Variants in TMEM131 observed in about 807,000 individuals in gnomAD.
The protein encoded by TMEM131 is 2610524E03Rik.
A neutral mutation model predicts 211.6 loss-of-function variants in TMEM131; 66 were observed. That is an observed-to-expected ratio of 0.31 (90% CI 0.26 to 0.38). The LOEUF is 0.38. Among genes scored for constraint, TMEM131 ranks in the 10% least tolerant of loss-of-function variants. The probability of loss-of-function intolerance (pLI) is 1.00; values close to 1 mark genes in which losing one functional copy is unlikely to be tolerated. For synonymous variants in TMEM131, 844 were observed against 841.3 expected (o/e 1.00, Z -0.06); for missense variants, 2,036 against 2,299.3 (o/e 0.89, Z 2.34).
rs778278482 is a variant in TMEM131, at chr2:97,757,224, G to A, written c.5527C>T (p.Pro1843Ser). The change falls in exon 41 of 41, where the codon CCC becomes TCC. Residue 1843 changes from proline (P) to serine (S), a missense_variant. By Grantham distance (74) the Pro-to-Ser change is moderately conservative. Coordinates refer to ENST00000186436, the MANE Select transcript of TMEM131 (RefSeq NM_015348.2). ...TCGTCAGCTGGACTGGAGGTGGAGG[G>A]AGCGTGAGGAGCAGGGGAGTTTTCT... ...GTENSPAPHAPSTSSPADDLG... is the reference protein window; with the variant it reads ...GTENSPAPHASSTSSPADDLG... 6.8e-6 allele frequency: 11 copies of A among 1,614,032 alleles called. No homozygotes were observed. Among genetic ancestry groups the A allele is most frequent in the South Asian group, 6.6e-5 (6 of 91,084 alleles).
chr2:97,990,785 G>A (rs1680229005), intron 1 of TMEM131, among the ~76,000 whole-genome samples: 1 of 152,148 alleles, frequency 6.6e-6, no homozygotes, highest in African/African-American at 2.4e-5. Context: ...GGTATAAAAA[G>A]TCCTATGCAC....
At chr2:97,797,039 T>C in intron 26 of TMEM131, 53 bp from the exon 27 acceptor site, 1 of 1,545,170 alleles carries the variant, frequency 6.5e-7, no homozygotes. Flanking sequence ...TGCACAATCT[T>C]TTGATTTGCA....
rs770549569 is a variant in TMEM131 at position 97,776,018 on chromosome 2, C to T, written c.4145G>A (p.Gly1382Glu). 13 of 1,599,622 alleles carry T rather than the reference C, an allele frequency of 8.1e-6. No homozygotes were observed. Among genetic ancestry groups the T allele is most frequent in the South Asian group, 2.3e-5 (2 of 87,358 alleles). Residue 1382 changes from glycine (G) to glutamate (E), a missense_variant and splice_region_variant, in exon 32 of 41, where the codon GGG (glycine) becomes GAG (glutamate). This residue lies in a region of TMEM131 where 1,623 missense variants were observed against 1,805.9 expected (regional missense o/e 0.90). Transcript: ENST00000186436. ...QPPSPLPKSK[G>E]KGKPLQRKVK... ...CTTGCGCTGAAGAGGTTTTCCTTTC[C>T]CTGAGGATAAAAATTAAAGTAAAAG...
intron 1 of TMEM131, among the ~76,000 whole-genome samples, chr2:97,982,796 G>T (rs1291272039): frequency 1.3e-5 from 2 of 152,184 alleles, no homozygotes; most frequent in Non-Finnish European, 2.9e-5. Context: ...AATGTGATAT[G>T]CAAGATGTTT....
At chr2:97,979,659 C>T (rs1487815797) in intron 1 of TMEM131, among the ~76,000 whole-genome samples, 2 of 152,128 alleles carry the variant, frequency 1.3e-5, no homozygotes, top group Non-Finnish European at 2.9e-5. Context: ...AGGGGCCTTG[C>T]TCTGGATTAA....
intron 40 of TMEM131, among the ~76,000 whole-genome samples, 158 bp from the exon 41 acceptor site, chr2:97,757,541 T>G (rs1678562240): frequency 6.6e-6 from 1 of 152,174 alleles, no homozygotes; most frequent in South Asian, 2.1e-4. Context: ...GAGCAGATGT[T>G]TCTGATTTTT....
At chr2:97,964,753 T>G (rs1678973404) in intron 1 of TMEM131, among the ~76,000 whole-genome samples, 1 of 152,218 alleles carries the variant, frequency 6.6e-6, no homozygotes, top group South Asian at 2.1e-4. Context: ...CTATTCTTAT[T>G]TAATTCCAAC....
intron 2 of TMEM131, among the ~76,000 whole-genome samples, chr2:97,913,711 T>C (rs1676385800): frequency 6.6e-6 from 1 of 152,224 alleles, no homozygotes; most frequent in Non-Finnish European, 1.5e-5. Context: ...CACTTCAGAA[T>C]GAGGTACGTG....
rs973151147 is a variant in TMEM131, at chr2:97,757,040, A to C, written c.*59T>G. On this transcript the variant is annotated 3_prime_UTR_variant, in exon 41 of 41. Coordinates refer to ENST00000186436, the MANE Select transcript of TMEM131 (RefSeq NM_015348.2). Reference sequence around the variant, plus strand: ...TAAGAGCCTTAAAAAGATGTCTCAGAAACTGGCACATCATGATCTAGACGA... The same window carrying C: ...TAAGAGCCTTAAAAAGATGTCTCAGCAACTGGCACATCATGATCTAGACGA... The C allele has an allele frequency of 1.3e-6, 2 of 1,497,686 alleles. No individual in the cohort carries two copies. Among genetic ancestry groups the C allele is most frequent in the African/African-American group, 2.8e-5 (2 of 71,558 alleles). The allele number at this position is 1,497,686 out of a possible 1,614,324, so 92.8% of individuals were successfully genotyped here.
intron 31 of TMEM131, among the ~76,000 whole-genome samples, chr2:97,780,868 G>T (rs949487399): frequency 5.9e-5 from 9 of 152,156 alleles, no homozygotes; most frequent in Non-Finnish European, 1.0e-4. Context: ...GAAAAACTCG[G>T]AAGTGTGTTT....
Position 97,821,340 on chromosome 2 carries a change from C to T in TMEM131, c.1075-2619G>A, listed in dbSNP as rs185990609. 8.4e-4 allele frequency among the ~76,000 whole-genome samples: 128 copies of T among 152,252 alleles called. 3 individuals carry two copies. The Middle Eastern group carries it at 0.017, about 20-fold the overall frequency. On this transcript the variant is annotated intron_variant, in intron 11 of 40. Coordinates refer to ENST00000186436, the MANE Select transcript of TMEM131 (RefSeq NM_015348.2). Reference sequence around the variant, plus strand: ...TGCATCAATCGGCATTCTGTAAAAACGCACCAATCAACACTGTAAAATGGA... The same window carrying T: ...TGCATCAATCGGCATTCTGTAAAAATGCACCAATCAACACTGTAAAATGGA...
At chr2:97,790,404 T>C (rs1680447394) in intron 31 of TMEM131, among the ~76,000 whole-genome samples, 2 of 152,344 alleles carry the variant, frequency 1.3e-5, no homozygotes, top group African/African-American at 4.8e-5. Context: ...CCTGCAAAGC[T>C]TCTAACCACT....
At chr2:97,811,621 A>G (rs575882195) in intron 17 of TMEM131, among the ~76,000 whole-genome samples, 1 of 152,352 alleles carries the variant, frequency 6.6e-6, no homozygotes, top group South Asian at 2.1e-4. Context: ...CAAGCTGTGG[A>G]TGTCACTCTG....
chr2:97,793,926 G>A (rs1053013742), intron 29 of TMEM131, among the ~76,000 whole-genome samples: 3 of 145,198 alleles, frequency 2.1e-5, no homozygotes, highest in East Asian at 2.1e-4. Context: ...CCCGGGAGGC[G>A]GAGCTTGCAG....
In TMEM131 at chr2:97,812,713, T is replaced by C. The variant is rs773200720; in HGVS notation, c.1654A>G (p.Ile552Val). 5.6e-5 allele frequency: 89 copies of C among 1,593,412 alleles called. No homozygotes were observed. Among genetic ancestry groups the C allele is most frequent in the South Asian group, 3.0e-4 (26 of 86,178 alleles). The change falls in exon 16 of 41, where the codon ATA becomes GTA. Residue 552 changes from isoleucine to valine, a missense_variant. Coordinates refer to ENST00000186436, the MANE Select transcript of TMEM131 (RefSeq NM_015348.2). The part of the protein sequence containing the change: ...VLPPKIEERF[I>V]DFGVLSATEA... ...GTAGCACTCAGTACTCCAAAATCTA[T>C]GAAACGTTCCTCTATTTTGGGGGGC...
intron 33 of TMEM131, among the ~76,000 whole-genome samples, chr2:97,767,584 A>C (rs1189055668): frequency 6.6e-6 from 1 of 152,220 alleles, no homozygotes; most frequent in Non-Finnish European, 1.5e-5. Flanking sequence ...CCCTTTGGAG[A>C]AATCTTCCAA....
At chr2:97,793,335 GTAATTT>G (rs1240644536) in intron 30 of TMEM131, 54 bp downstream of exon 30, 1 of 1,494,268 alleles carries the variant, frequency 6.7e-7, no homozygotes, top group Non-Finnish European at 9.0e-7. Flanking sequence ...ATTTTTTATT[GTAATTT>G]TATCAGCCAA....
At chr2:97,769,223 G>A (rs1679346600) in intron 33 of TMEM131, among the ~76,000 whole-genome samples, 1 of 152,092 alleles carries the variant, frequency 6.6e-6, no homozygotes, top group Non-Finnish European at 1.5e-5. Flanking sequence ...CTGGGCTCAA[G>A]CAATCCTCCT....
chr2:97,756,892 A>G lies in TMEM131; in HGVS notation c.*207T>C. On this transcript the variant is annotated 3_prime_UTR_variant, in exon 41 of 41. Transcript: ENST00000186436. ...GGCTGAGTCCAGACTTTTCTCTAAA[A>G]GCACAACAGCAAATCTCATGTTATC... 1.8e-6 allele frequency: 1 copy of G among 549,820 alleles called. No homozygotes were observed. The highest frequency in any genetic ancestry group is 3.0e-6 in the Non-Finnish European group (1 of 336,278). 34.1% of individuals were successfully genotyped at this position (549,820 alleles called of 1,614,324 possible).
Sources: allele counts gnomAD v4.1 joint callset (sites outside exome capture counted in the v4.1 genomes callset), GRCh38; gene constraint gnomAD v4.1.1; regional missense constraint gnomAD v4.1.1; transcripts MANE v1.5; gene names NCBI Gene and HGNC (gene_info 2026-07-23, HGNC 2026-07-21).